NKAIN2: variants seen among roughly 807,000 people sequenced by gnomAD.
The protein encoded by NKAIN2 is sodium/potassium transporting ATPase interacting 2, also known as sodium/potassium-transporting ATPase subunit beta-1-interacting protein 2.
Under a neutral mutation model 32.6 loss-of-function variants are expected in NKAIN2, and 14 were observed. The ratio of observed to expected loss-of-function variants is 0.43; its 90% CI spans 0.28 to 0.67. The LOEUF (loss-of-function observed/expected upper bound fraction) is 0.67, where lower values mean the gene tolerates loss of function less well. NKAIN2 is among the 30% of genes least tolerant of loss of function. NKAIN2 has a pLI of 0.17. For synonymous variants in NKAIN2, 80 were observed against 87.2 expected (o/e 0.92, Z 0.46); for missense variants, 198 against 258.3 (o/e 0.77, Z 1.60).
At chr6:124,651,222 C>T (rs984528720) in intron 3 of NKAIN2, among the ~76,000 whole-genome samples, 1 of 152,188 alleles carries the variant, frequency 6.6e-6, no homozygotes, top group Non-Finnish European at 1.5e-5. Flanking sequence ...ACCTCTATTG[C>T]TTTGCTGGGC....
At position 124,731,028 on chromosome 6, in the gene NKAIN2, G is replaced by T. The variant is rs541061555; in HGVS notation, c.475-60311G>T. ...ACAATGAGATACCATCTCACACCAG[G>T]TAGAATGGCAATCATTAAAAAGTCA... is the stretch of plus-strand genomic sequence containing the variant. On this transcript the variant is annotated intron_variant, in intron 4 of 6. Transcript: ENST00000368417. 5.4e-3 allele frequency among the ~76,000 whole-genome samples: 784 copies of T among 144,292 alleles called. 4 individuals are homozygous for T. The highest frequency in any genetic ancestry group is 0.017 in the Middle Eastern group (5 of 290). The allele number at this position is 144,292 out of a possible 152,430, so 94.7% of individuals were successfully genotyped here. A position where few individuals can be genotyped will look rare whatever the true frequency, so the allele number is the denominator to read the frequency against.
At chr6:124,399,151 T>G (rs904643898) in intron 3 of NKAIN2, among the ~76,000 whole-genome samples, 18 of 152,216 alleles carry the variant, frequency 1.2e-4, no homozygotes, top group African/African-American at 4.3e-4. Context: ...GGTCTTGAAC[T>G]CCTGACCTCA....
chr6:124,334,555 G>C lies in NKAIN2; in HGVS notation c.193-20712G>C, dbSNP rs546979743. Among the ~76,000 whole-genome samples, 276 of 152,074 alleles carry C rather than the reference G, an allele frequency of 1.8e-3. 2 individuals are homozygous for C. The highest frequency in any genetic ancestry group is 6.5e-3 in the African/African-American group (270 of 41,500). On this transcript the variant is annotated intron_variant, in intron 2 of 6. Coordinates refer to ENST00000368417, the MANE Select transcript of NKAIN2 (RefSeq NM_001040214.3). ...GCACTGAGTCAGTCGGTTCCTGGTG[G>C]GGGGCACTAGAAGACCAGATAAGCC...
chr6:124,104,967 C>G (rs746867358), intron 1 of NKAIN2, among the ~76,000 whole-genome samples: 6 of 152,096 alleles, frequency 3.9e-5, no homozygotes, highest in African/African-American at 1.2e-4. Flanking sequence ...GTGGAAAAGA[C>G]AAGACTTCTG....
intron 1 of NKAIN2, among the ~76,000 whole-genome samples, chr6:123,918,631 A>G (rs1477963831): frequency 6.6e-6 from 1 of 152,174 alleles, no homozygotes; most frequent in African/African-American, 2.4e-5. Context: ...TATGAGATTA[A>G]TATTTAAATC....
At chr6:124,536,280 G>A (rs1490178809) in intron 3 of NKAIN2, among the ~76,000 whole-genome samples, 1 of 152,090 alleles carries the variant, frequency 6.6e-6, no homozygotes, top group African/African-American at 2.4e-5. Flanking sequence ...TATTGAGTAT[G>A]ATTTATTTAT....
intron 1 of NKAIN2, among the ~76,000 whole-genome samples, chr6:123,928,836 T>A (rs1776127518): frequency 6.6e-6 from 1 of 152,176 alleles, no homozygotes; most frequent in Non-Finnish European, 1.5e-5. Context: ...TTATAGCAGC[T>A]GAAGAATGAG....
At chr6:124,807,647 A>T (rs1780644572) in intron 5 of NKAIN2, among the ~76,000 whole-genome samples, 1 of 149,466 alleles carries the variant, frequency 6.7e-6, no homozygotes, top group Non-Finnish European at 1.5e-5. Flanking sequence ...ATCAGAGCAG[A>T]ACTGAAGGAA....
intron 4 of NKAIN2, among the ~76,000 whole-genome samples, chr6:124,780,512 T>C (rs1256038050): frequency 6.6e-6 from 1 of 152,156 alleles, no homozygotes; most frequent in Non-Finnish European, 1.5e-5. Context: ...AACATAAAGA[T>C]ATCAAACAGC....
At chr6:124,535,499 T>C (rs1237849175) in intron 3 of NKAIN2, among the ~76,000 whole-genome samples, 1 of 152,228 alleles carries the variant, frequency 6.6e-6, no homozygotes, top group Non-Finnish European at 1.5e-5. Flanking sequence ...CTGAATTGTT[T>C]ATTGGGATGA....
At chr6:124,684,600 A>G (rs891975443) in intron 4 of NKAIN2, among the ~76,000 whole-genome samples, 9 of 152,292 alleles carry the variant, frequency 5.9e-5, no homozygotes, top group African/African-American at 1.9e-4. Flanking sequence ...AACCCATTAA[A>G]ATCTGACAAA....
chr6:124,480,474 C>T (rs1212901960), intron 3 of NKAIN2, among the ~76,000 whole-genome samples: 1 of 152,104 alleles, frequency 6.6e-6, no homozygotes, highest in Non-Finnish European at 1.5e-5. Flanking sequence ...AGCATTTGAC[C>T]TTTCAGCTTG....
intron 1 of NKAIN2, among the ~76,000 whole-genome samples, chr6:123,959,140 T>A (rs1777729417): frequency 6.6e-6 from 1 of 152,064 alleles, no homozygotes; most frequent in African/African-American, 2.4e-5. Context: ...AGAAAATGAG[T>A]CAGGTTTTGC....
chr6:124,733,587 A>G (rs1776791524), intron 4 of NKAIN2, among the ~76,000 whole-genome samples: 1 of 151,888 alleles, frequency 6.6e-6, no homozygotes, highest in South Asian at 2.1e-4. Context: ...GAATTGAACA[A>G]TTAAGTAAAT....
At chr6:124,351,171 A>T (rs1322448883) in intron 2 of NKAIN2, among the ~76,000 whole-genome samples, 1 of 152,124 alleles carries the variant, frequency 6.6e-6, no homozygotes, top group African/African-American at 2.4e-5. Context: ...TATATCAAAA[A>T]CCCTTAATCT....
intron 1 of NKAIN2, among the ~76,000 whole-genome samples, chr6:124,243,105 A>G (rs1793201368): frequency 6.6e-6 from 1 of 151,936 alleles, no homozygotes; most frequent in African/African-American, 2.4e-5. Context: ...GATTTGTCAT[A>G]AGAGATCTGT....
At chr6:124,816,895 GA>G (rs996610045) in intron 5 of NKAIN2, among the ~76,000 whole-genome samples, 3 of 151,998 alleles carry the variant, frequency 2.0e-5, no homozygotes, top group African/African-American at 7.2e-5. Flanking sequence ...AAATGAAAAA[GA>G]AAAAACAAAA....
At chr6:124,273,150 A>G (rs941492627) in intron 1 of NKAIN2, among the ~76,000 whole-genome samples, 1 of 152,042 alleles carries the variant, frequency 6.6e-6, no homozygotes, top group Admixed American at 6.6e-5. Context: ...TATGAAAGGG[A>G]CATGAGATTT....
At chr6:123,858,155 G>T (rs563521387) in intron 1 of NKAIN2, among the ~76,000 whole-genome samples, 1 of 149,922 alleles carries the variant, frequency 6.7e-6, no homozygotes, top group Non-Finnish European at 1.5e-5. Flanking sequence ...TCGCTCTGTC[G>T]CCCAGACTGG....
Sources: gnomAD v4.1 joint callset for allele counts (sites outside exome capture counted in the v4.1 genomes callset) on GRCh38, gnomAD v4.1.1 for gene constraint, MANE v1.5 for transcripts, NCBI Gene and HGNC (gene_info 2026-07-23, HGNC 2026-07-21) for gene names.